The following TBXAS1 variants were observed in gnomAD, a reference collection of about 807,000 sequenced individuals.
TBXAS1 encodes thromboxane A synthase 1, also known as thromboxane-A synthase.
TBXAS1 carries 48 observed loss-of-function variants against 60.7 expected under a neutral mutation model. That is an observed-to-expected ratio of 0.79 (90% confidence interval 0.63 to 1.01). The LOEUF (loss-of-function observed/expected upper bound fraction) is 1.01. Ranked by LOEUF, TBXAS1 falls within the 50% of genes least tolerant of loss-of-function variation. The pLI is 0.00. For synonymous variants in TBXAS1, 287 were observed against 269.7 expected, an observed-to-expected ratio of 1.06 and a Z score of -0.63; for missense variants, 685 against 686.3, an observed-to-expected ratio of 1.00 and a Z score of 0.02.
chr7:139,990,791 C>T (rs564654054), intron 9 of TBXAS1, among the ~76,000 whole-genome samples: 11 of 151,976 alleles, frequency 7.2e-5, no homozygotes, highest in African/African-American at 2.7e-4. Context: ...TACGATCCTG[C>T]AAAAACCCCT....
chr7:139,892,128 C>T (rs554432811), intron 3 of TBXAS1, among the ~76,000 whole-genome samples: 15 of 152,324 alleles, frequency 9.8e-5, no homozygotes, highest in African/African-American at 3.4e-4. Flanking sequence ...GCTACTGCCT[C>T]ATATCCTACT....
intron 4 of TBXAS1, among the ~76,000 whole-genome samples, chr7:139,914,809 T>C (rs1805840510): frequency 6.6e-6 from 1 of 152,224 alleles, no homozygotes. Context: ...TGGCTTTCAC[T>C]CTAGCTTGAT....
chr7:139,827,301 T>C (rs1798461628), upstream of TBXAS1, among the ~76,000 whole-genome samples: 1 of 152,204 alleles, frequency 6.6e-6, no homozygotes, highest in African/African-American at 2.4e-5. Flanking sequence ...TTGGTGTCCA[T>C]TTGCATGAAG....
At chr7:139,913,130 G>A in intron 4 of TBXAS1, 2 of 702,890 alleles carry the variant, frequency 2.8e-6, no homozygotes, top group Non-Finnish European at 5.2e-6. Context: ...CTGGAGGGAG[G>A]CGGCTGGCCT....
At chr7:139,964,829 A>C (rs1810655526) in intron 9 of TBXAS1, among the ~76,000 whole-genome samples, 1 of 152,238 alleles carries the variant, frequency 6.6e-6, no homozygotes, top group African/African-American at 2.4e-5. Context: ...GTGTGATGTC[A>C]TTTAGAGAGC....
At chr7:139,888,556 T>C (rs1340116459) in intron 3 of TBXAS1, among the ~76,000 whole-genome samples, 1 of 152,196 alleles carries the variant, frequency 6.6e-6, no homozygotes, top group Non-Finnish European at 1.5e-5. Context: ...TCCTGCTTCA[T>C]GACTGTTCAT....
At chr7:139,786,011 G>A (rs780396754) in intron 3 of TBXAS1, among the ~76,000 whole-genome samples, 1 of 147,410 alleles carries the variant, frequency 6.8e-6, no homozygotes, top group African/African-American at 2.5e-5. Flanking sequence ...TTTTAGGTCT[G>A]TTTCTGCTGC....
At chr7:139,946,486 G>A (rs1203527425) in intron 5 of TBXAS1, among the ~76,000 whole-genome samples, 2 of 152,186 alleles carry the variant, frequency 1.3e-5, no homozygotes, top group Non-Finnish European at 2.9e-5. Flanking sequence ...CCATATTCCA[G>A]GTGACAAGTA....
At chr7:139,986,803 A>G (rs79307700) in intron 9 of TBXAS1, among the ~76,000 whole-genome samples, 2,185 of 26,750 alleles carry the variant, frequency 0.082, 44 homozygotes, top group East Asian at 0.24. Context: ...GTGTGTGTAT[A>G]TATATATATA....
chr7:139,934,336 C>T (rs968224574), intron 4 of TBXAS1, among the ~76,000 whole-genome samples: 2 of 152,028 alleles, frequency 1.3e-5, no homozygotes, highest in African/African-American at 2.4e-5. Flanking sequence ...TTACAGGTGC[C>T]TGCCACCACG....
At chr7:139,963,953 G>A (rs925594582) in intron 9 of TBXAS1, among the ~76,000 whole-genome samples, 14 of 152,130 alleles carry the variant, frequency 9.2e-5, no homozygotes, top group Non-Finnish European at 1.8e-4. Context: ...GCCCCAAGAA[G>A]CCTGTCAAGA....
upstream of TBXAS1, chr7:139,829,166 G>T (rs1285723626): frequency 3.0e-6 from 2 of 663,574 alleles, no homozygotes; most frequent in African/African-American, 3.5e-5. Flanking sequence ...GAATAAAGTT[G>T]CTGATTCATT....
intron 3 of TBXAS1, among the ~76,000 whole-genome samples, chr7:139,888,907 G>C (rs1008642335): frequency 6.7e-6 from 1 of 149,098 alleles, no homozygotes; most frequent in Non-Finnish European, 1.5e-5. Context: ...TGGAGAAGGG[G>C]TGCAGGGGGA....
chr7:139,849,032 A>G (rs1309562245), intron 1 of TBXAS1, among the ~76,000 whole-genome samples: 2 of 152,212 alleles, frequency 1.3e-5, no homozygotes, highest in African/African-American at 2.4e-5. Flanking sequence ...GAATGGACAT[A>G]TTAACTTTTA....
intron 4 of TBXAS1, among the ~76,000 whole-genome samples, chr7:139,919,044 A>G (rs1360883491): frequency 6.6e-6 from 1 of 152,214 alleles, no homozygotes; most frequent in Non-Finnish European, 1.5e-5. Context: ...CCACCAAAAT[A>G]TAAGCCCTAT....
intron 11 of TBXAS1, among the ~76,000 whole-genome samples, chr7:140,017,305 G>A (rs985624090): frequency 1.1e-4 from 16 of 152,310 alleles, no homozygotes; most frequent in Non-Finnish European, 2.1e-4. Flanking sequence ...GGGAGGTGGC[G>A]CCATGGGCCC....
chr7:139,819,411 A>G (rs1798234219), intron 4 of TBXAS1, among the ~76,000 whole-genome samples: 1 of 152,222 alleles, frequency 6.6e-6, no homozygotes, highest in South Asian at 2.1e-4. Context: ...TGAGTGACAG[A>G]CACACTTCTG....
intron 3 of TBXAS1, among the ~76,000 whole-genome samples, chr7:139,783,779 G>T (rs945425433): frequency 6.6e-6 from 1 of 152,150 alleles, no homozygotes; most frequent in Admixed American, 6.5e-5. Context: ...GCTCCTATCT[G>T]GCAACCCCTG....
intron 3 of TBXAS1, among the ~76,000 whole-genome samples, chr7:139,909,059 T>C (rs1395158085): frequency 1.3e-5 from 2 of 152,248 alleles, no homozygotes; most frequent in South Asian, 4.1e-4. Flanking sequence ...GTGTTCCCTA[T>C]AGATAATACA....
Sources: gnomAD v4.1 joint callset for allele counts (sites outside exome capture counted in the v4.1 genomes callset) on GRCh38, gnomAD v4.1.1 for gene constraint, MANE v1.5 for transcripts, NCBI Gene and HGNC (gene_info 2026-07-23, HGNC 2026-07-21) for gene names.